The following ZBTB8A variants were observed in gnomAD, a reference collection of about 807,000 sequenced individuals.
ZBTB8A encodes the protein zinc finger and BTB domain containing 8A, also known as zinc finger and BTB domain-containing protein 8A.
ZBTB8A carries 19 observed loss-of-function variants against 37.8 expected under a neutral mutation model. The observed-to-expected ratio is 0.50, with a 90% confidence interval of 0.35 to 0.74. ZBTB8A has a LOEUF of 0.74. Among genes scored for constraint, ZBTB8A ranks in the 30% least tolerant of loss-of-function variants. The probability of loss-of-function intolerance (pLI) is 0.01; values close to 1 mark genes in which losing one functional copy is unlikely to be tolerated. For missense variants in ZBTB8A, 394 were observed against 537.8 expected (o/e 0.73, Z 2.65); for synonymous variants, 181 against 185.2 (o/e 0.98, Z 0.19).
At chr1:32,582,864 A>G (rs761373546) in intron 2 of ZBTB8A, among the ~76,000 whole-genome samples, 2 of 152,158 alleles carry the variant, frequency 1.3e-5, no homozygotes, top group African/African-American at 4.8e-5. Context: ...AGAATGTCCA[A>G]TCCCTAGCTA....
chr1:32,579,965 T>C (rs1318233469), intron 2 of ZBTB8A, among the ~76,000 whole-genome samples: 1 of 152,194 alleles, frequency 6.6e-6, no homozygotes, highest in African/African-American at 2.4e-5. Context: ...CACGTTGTAG[T>C]TAGTTATCTT....
chr1:32,586,999 C>T (rs1318757477), intron 2 of ZBTB8A, among the ~76,000 whole-genome samples: 2 of 151,996 alleles, frequency 1.3e-5, no homozygotes, highest in Admixed American at 6.6e-5. Context: ...AATCCCAGCA[C>T]TTTGGGAGGC....
chr1:32,563,762 C>T (rs1644260716), intron 2 of ZBTB8A, among the ~76,000 whole-genome samples: 1 of 152,118 alleles, frequency 6.6e-6, no homozygotes, highest in Admixed American at 6.6e-5. Context: ...CATAAGCCAC[C>T]ACGCCCAGCC....
chr1:32,594,765 CAA>C (rs199637697), intron 3 of ZBTB8A, among the ~76,000 whole-genome samples: 48 of 97,600 alleles, frequency 4.9e-4, no homozygotes, highest in Non-Finnish European at 3.7e-4. Flanking sequence ...AACTCTATCT[CAA>C]AAAAAAAAAA....
At chr1:32,571,186 AT>A (rs1450702292) in intron 2 of ZBTB8A, among the ~76,000 whole-genome samples, 3 of 152,126 alleles carry the variant, frequency 2.0e-5, no homozygotes. Flanking sequence ...TATGCCTGTT[AT>A]TTCTTTAACA....
At chr1:32,567,814 A>ACAAAAC (rs796332471) in intron 2 of ZBTB8A, among the ~76,000 whole-genome samples, 1 of 30,478 alleles carries the variant, frequency 3.3e-5, no homozygotes, top group Non-Finnish European at 5.5e-5. Flanking sequence ...AAAAAAAAAA[A>ACAAAAC]AAAAAAAAAC....
At position 32,571,913 on chromosome 1, in the gene ZBTB8A, G is replaced by GT. The variant is rs953971273; in HGVS notation, c.-2+18381dup. 8.6e-5 allele frequency among the ~76,000 whole-genome samples: 13 copies of GT among 150,744 alleles called. No individual in the cohort carries two copies. In the East Asian group the frequency reaches 1.8e-3, roughly 20 times the overall value. ...ATTAGGTTGGGGGTTTTTTTTGTTT[G>GT]TTTTTTTTGAGACGGAATCTCATTC... On this transcript the variant is annotated intron_variant, in intron 2 of 4. Transcript: ENST00000373510.
rs996849754 is a variant in ZBTB8A, at chr1:32,601,717, A to G, written c.*1298A>G. 9 of 398,452 alleles carry G rather than the reference A, an allele frequency of 2.3e-5. No homozygotes were observed. The highest frequency in any genetic ancestry group is 1.8e-4 in the Admixed American group (4 of 22,708). The allele number at this position is 398,452 out of a possible 1,614,324, so 24.7% of individuals were successfully genotyped here. A position where few individuals can be genotyped will look rare whatever the true frequency, so the allele number is the denominator to read the frequency against. Reference sequence around the variant, plus strand: ...CTTCTCTCCCTGTATGTCTCCTGAAATGGCAAAGAATAGAAGTCAAACCTC... The same window carrying G: ...CTTCTCTCCCTGTATGTCTCCTGAAGTGGCAAAGAATAGAAGTCAAACCTC... On this transcript the variant is annotated 3_prime_UTR_variant, in exon 5 of 5. Transcript: ENST00000373510.
chr1:32,556,674 C>T (rs1324441090), intron 2 of ZBTB8A, among the ~76,000 whole-genome samples: 3 of 151,904 alleles, frequency 2.0e-5, no homozygotes, highest in African/African-American at 7.3e-5. Flanking sequence ...GTCAAGATAT[C>T]AAGACAGTTC....
chr1:32,563,601 T>TA (rs1388278080), intron 2 of ZBTB8A, among the ~76,000 whole-genome samples: 1 of 152,156 alleles, frequency 6.6e-6, no homozygotes, highest in Non-Finnish European at 1.5e-5. Flanking sequence ...TAGCTGGTAT[T>TA]ACAGGCGCCC....
chr1:32,549,264 C>CG (rs1644131602), intron 1 of ZBTB8A, among the ~76,000 whole-genome samples: 1 of 152,016 alleles, frequency 6.6e-6, no homozygotes. Flanking sequence ...GAGGCCGAGG[C>CG]GGGCGGATCA....
intron 1 of ZBTB8A, among the ~76,000 whole-genome samples, chr1:32,551,358 G>A (rs995271922): frequency 2.0e-5 from 3 of 151,934 alleles, no homozygotes; most frequent in African/African-American, 7.3e-5. Context: ...AGAGGTCAGG[G>A]CCATAATGAG....
At chr1:32,548,384 G>T (rs1439060166) in intron 1 of ZBTB8A, among the ~76,000 whole-genome samples, 2 of 151,946 alleles carry the variant, frequency 1.3e-5, no homozygotes, top group African/African-American at 4.8e-5. Flanking sequence ...GCCCAGGCTG[G>T]AGTGGAGTGG....
At chr1:32,599,658 A>G (rs1644560199) in intron 4 of ZBTB8A, among the ~76,000 whole-genome samples, 1 of 152,110 alleles carries the variant, frequency 6.6e-6, no homozygotes, top group Admixed American at 6.6e-5. Context: ...CGGAGGTTGC[A>G]GTGAGCCGAG....
At chr1:32,567,749 G>A (rs1326324962) in intron 2 of ZBTB8A, among the ~76,000 whole-genome samples, 3 of 115,808 alleles carry the variant, frequency 2.6e-5, no homozygotes, top group South Asian at 3.1e-4. Flanking sequence ...CCGAGATTGC[G>A]CCACTACACT....
At chr1:32,586,015 CAAAA>C (rs200260988) in intron 2 of ZBTB8A, among the ~76,000 whole-genome samples, 1 of 144,020 alleles carries the variant, frequency 6.9e-6, no homozygotes, top group African/African-American at 2.6e-5. Context: ...AAAACAAAAA[CAAAA>C]AAAAAGAACG....
intron 4 of ZBTB8A, among the ~76,000 whole-genome samples, chr1:32,597,325 A>G (rs560268683): frequency 6.6e-6 from 1 of 152,280 alleles, no homozygotes; most frequent in East Asian, 1.9e-4. Flanking sequence ...ATATGGTCTC[A>G]GGAATTTGAG....
chr1:32,596,504 C>G (rs1644532893), intron 4 of ZBTB8A, among the ~76,000 whole-genome samples: 1 of 152,120 alleles, frequency 6.6e-6, no homozygotes, highest in African/African-American at 2.4e-5. Context: ...TTGCCCAAAC[C>G]CAGGAAGTGG....
At chr1:32,596,992 A>G (rs1472991137) in intron 4 of ZBTB8A, among the ~76,000 whole-genome samples, 3 of 151,430 alleles carry the variant, frequency 2.0e-5, no homozygotes, top group Non-Finnish European at 4.4e-5. Context: ...GGAGGTCTCC[A>G]CTACACCTGC....
Sources: gnomAD v4.1 joint callset for allele counts (sites outside exome capture counted in the v4.1 genomes callset) on GRCh38, gnomAD v4.1.1 for gene constraint, MANE v1.5 for transcripts, NCBI Gene and HGNC (gene_info 2026-07-23, HGNC 2026-07-21) for gene names.